SLC9A9: variants seen among roughly 807,000 people sequenced by gnomAD.
The protein encoded by SLC9A9 is sodium/hydrogen exchanger 9.
SLC9A9 carries 62 observed loss-of-function variants against 77.8 expected under a neutral mutation model. The observed-to-expected ratio is 0.80, with a 90% CI of 0.65 to 0.98. The LOEUF (loss-of-function observed/expected upper bound fraction) is 0.98. Ranked by LOEUF, SLC9A9 falls within the 50% of genes least tolerant of loss-of-function variation. SLC9A9 has a pLI of 0.00. For synonymous variants in SLC9A9, 320 were observed against 283.5 expected, an observed-to-expected ratio of 1.13 and a Z score of -1.29; for missense variants, 775 against 774.9, an observed-to-expected ratio of 1.00 and a Z score of 0.00.
chr3:143,424,029 G>C (rs1311438595), intron 12 of SLC9A9, among the ~76,000 whole-genome samples: 1 of 152,136 alleles, frequency 6.6e-6, no homozygotes, highest in Non-Finnish European at 1.5e-5. Context: ...TTTAGGAACT[G>C]TTCCAGATTA....
At chr3:143,513,449 G>A (rs1161160674) in intron 9 of SLC9A9, among the ~76,000 whole-genome samples, 1 of 152,064 alleles carries the variant, frequency 6.6e-6, no homozygotes, top group Non-Finnish European at 1.5e-5. Flanking sequence ...TACCACATTC[G>A]AAGTTACTTC....
At chr3:143,786,101 C>T (rs554283578) in intron 4 of SLC9A9, among the ~76,000 whole-genome samples, 206 of 151,852 alleles carry the variant, frequency 1.4e-3, no homozygotes, top group Non-Finnish European at 2.7e-3. Flanking sequence ...GTGATCCGCC[C>T]GTCTCGGCCT....
chr3:143,603,973 G>A (rs185819787), intron 6 of SLC9A9, among the ~76,000 whole-genome samples: 3 of 152,200 alleles, frequency 2.0e-5, no homozygotes, highest in Non-Finnish European at 4.4e-5. Context: ...TGTCTATGAC[G>A]TCACTTCATG....
intron 4 of SLC9A9, among the ~76,000 whole-genome samples, chr3:143,703,568 G>A (rs1452067041): frequency 6.6e-6 from 1 of 151,966 alleles, no homozygotes; most frequent in African/African-American, 2.4e-5. Flanking sequence ...AGCAAAAGCA[G>A]TACTAAGCAG....
intron 9 of SLC9A9, among the ~76,000 whole-genome samples, chr3:143,522,124 T>C (rs2036310782): frequency 6.6e-6 from 1 of 152,170 alleles, no homozygotes; most frequent in Non-Finnish European, 1.5e-5. Flanking sequence ...CTCATAGCAA[T>C]ATAAACTTAA....
chr3:143,449,910 A>ATATTATATAATAT (rs2034959565), intron 12 of SLC9A9, among the ~76,000 whole-genome samples: 3 of 26,544 alleles, frequency 1.1e-4, no homozygotes, highest in African/African-American at 5.1e-4. Flanking sequence ...CATATAATAT[A>ATATTATATAATAT]ATATTACATA....
chr3:143,538,310 A>G (rs1576562427), intron 9 of SLC9A9, among the ~76,000 whole-genome samples: 1 of 152,278 alleles, frequency 6.6e-6, no homozygotes, highest in East Asian at 1.9e-4. Context: ...ATAGACCTCA[A>G]CTTGGTACTA....
chr3:143,739,732 C>A (rs925890002), intron 4 of SLC9A9, among the ~76,000 whole-genome samples: 1 of 152,116 alleles, frequency 6.6e-6, no homozygotes, highest in Non-Finnish European at 1.5e-5. Flanking sequence ...TTTTGTTTCC[C>A]TTAAGCCACT....
At chr3:143,800,798 C>A (rs2008530428) in intron 2 of SLC9A9, among the ~76,000 whole-genome samples, 1 of 152,210 alleles carries the variant, frequency 6.6e-6, no homozygotes, top group Non-Finnish European at 1.5e-5. Context: ...AAGACACCCT[C>A]CTGCTCCTTC....
At chr3:143,555,983 T>C (rs1301451762) in intron 8 of SLC9A9, among the ~76,000 whole-genome samples, 2 of 152,214 alleles carry the variant, frequency 1.3e-5, no homozygotes, top group Non-Finnish European at 2.9e-5. Flanking sequence ...TAGTAATAAA[T>C]TAAATCACAC....
intron 4 of SLC9A9, among the ~76,000 whole-genome samples, chr3:143,703,969 T>C (rs563242712): frequency 2.8e-4 from 43 of 152,104 alleles, no homozygotes; most frequent in Non-Finnish European, 5.6e-4. Context: ...CTAGAAGACA[T>C]AGATAAATTT....
intron 12 of SLC9A9, among the ~76,000 whole-genome samples, chr3:143,409,866 G>C (rs995526826): frequency 6.6e-6 from 1 of 152,132 alleles, no homozygotes; most frequent in South Asian, 2.1e-4. Flanking sequence ...GTGTTGCTGG[G>C]GTTCTGGGCT....
intron 12 of SLC9A9, among the ~76,000 whole-genome samples, chr3:143,450,548 C>G (rs955375881): frequency 3.3e-5 from 5 of 151,684 alleles, no homozygotes; most frequent in African/African-American, 1.2e-4. Context: ...TTTTAGTTAA[C>G]AAGCATGTAT....
At chr3:143,283,347 C>A (rs1938280841) in intron 14 of SLC9A9, among the ~76,000 whole-genome samples, 1 of 152,148 alleles carries the variant, frequency 6.6e-6, no homozygotes, top group African/African-American at 2.4e-5. Context: ...AAACAGCAGC[C>A]ATGGATCTCA....
intron 9 of SLC9A9, among the ~76,000 whole-genome samples, chr3:143,500,638 C>T (rs2035908723): frequency 6.6e-6 from 1 of 152,086 alleles, no homozygotes; most frequent in Admixed American, 6.6e-5. Flanking sequence ...TGCAGTCTTT[C>T]CTAGCTAGCT....
intron 12 of SLC9A9, among the ~76,000 whole-genome samples, chr3:143,390,320 A>G (rs533681472): frequency 6.6e-6 from 1 of 152,356 alleles, no homozygotes; most frequent in East Asian, 1.9e-4. Context: ...CATGAACATT[A>G]GGAGTTAGAC....
At chr3:143,582,768 C>G (rs1471917709) in intron 6 of SLC9A9, among the ~76,000 whole-genome samples, 1 of 152,208 alleles carries the variant, frequency 6.6e-6, no homozygotes, top group Non-Finnish European at 1.5e-5. Context: ...TCAGGAGACT[C>G]AGCTTGAGTT....
chr3:143,369,299 T>A (rs1015941053), intron 13 of SLC9A9, among the ~76,000 whole-genome samples: 4 of 152,170 alleles, frequency 2.6e-5, no homozygotes, highest in African/African-American at 9.7e-5. Context: ...AACATGGAAC[T>A]TACCTGCAGG....
In SLC9A9 at chr3:143,654,249, A is replaced by T. The variant is rs376151637; in HGVS notation, c.650-1889T>A. ...AAAAATTATGCTGTGTACATAATAT[A>T]TACAGTTCTTGTCAATTAAAAAGTG... On this transcript the variant is annotated intron_variant, in intron 5 of 15. Coordinates refer to ENST00000316549, the MANE Select transcript of SLC9A9 (RefSeq NM_173653.4). Among the ~76,000 whole-genome samples the T allele has an allele frequency of 1.6e-3, 240 of 152,338 alleles. 1 individual carries two copies. The highest frequency in any genetic ancestry group is 5.7e-3 in the African/African-American group (236 of 41,584).
Sources: gnomAD v4.1 joint callset for allele counts (sites outside exome capture counted in the v4.1 genomes callset) on GRCh38, gnomAD v4.1.1 for gene constraint, MANE v1.5 for transcripts, NCBI Gene and HGNC (gene_info 2026-07-23, HGNC 2026-07-21) for gene names.